EVI5: variants seen among roughly 807,000 people sequenced by gnomAD.
The protein encoded by EVI5 is ecotropic viral integration site 5 protein homolog.
EVI5 carries 73 observed loss-of-function variants against 112.0 expected under a neutral mutation model. That is an observed-to-expected ratio of 0.65 (90% confidence interval 0.54 to 0.79). The LOEUF (loss-of-function observed/expected upper bound fraction) is 0.79. Ranked by LOEUF, EVI5 falls within the 30% of genes least tolerant of loss-of-function variation. The pLI, the probability that EVI5 is intolerant of heterozygous loss-of-function variation, is 0.00. For missense variants in EVI5, 900 were observed against 968.8 expected (o/e 0.93, Z 0.94); for synonymous variants, 305 against 319.9 (o/e 0.95, Z 0.50).
rs555274257 is a variant in EVI5 at position 92,750,354 on chromosome 1, C to A, written c.-81-13727G>T. On this transcript the variant is annotated intron_variant, in intron 1 of 19. Coordinates refer to ENST00000684568, the MANE Select transcript of EVI5 (RefSeq NM_001350197.2). Reference sequence around the variant, plus strand: ...TAAGAGGTTTATTTTAATACAAAACCAAATAAAAAATGGTATTTGCTTTAC... The same window carrying A: ...TAAGAGGTTTATTTTAATACAAAACAAAATAAAAAATGGTATTTGCTTTAC... Among the ~76,000 whole-genome samples the A allele has an allele frequency of 5.0e-4, 76 of 151,974 alleles. No individual in the cohort carries two copies. In the Middle Eastern group the frequency reaches 0.01, roughly 20 times the overall value.
Position 92,595,064 on chromosome 1 carries a change from G to A in EVI5, c.2070+10243C>T, listed in dbSNP as rs1647350797. Among the ~76,000 whole-genome samples the A allele has an allele frequency of 8.6e-5, 13 of 151,756 alleles. No individual in the cohort carries two copies. The South Asian group carries it at 2.7e-3, about 32-fold the overall frequency. ...ATTTGACCCAGCCATCCCATCACTG[G>A]GTATATACCCAAAGGATTATAAATC... is the stretch of plus-strand genomic sequence containing the variant. On this transcript the variant is annotated intron_variant, in intron 18 of 19. Coordinates refer to ENST00000684568, the MANE Select transcript of EVI5 (RefSeq NM_001350197.2).
chr1:92,785,408 G>C (rs954897699), upstream of EVI5, among the ~76,000 whole-genome samples: 1 of 152,210 alleles, frequency 6.6e-6, no homozygotes, highest in African/African-American at 2.4e-5. Context: ...TGCAGGCCTC[G>C]CGCTGCCGCA....
At chr1:92,573,867 C>T (rs1051847911) in intron 18 of EVI5, among the ~76,000 whole-genome samples, 2 of 152,042 alleles carry the variant, frequency 1.3e-5, no homozygotes, top group South Asian at 2.1e-4. Context: ...TGACTTCCAT[C>T]ACTGAAAACT....
intron 10 of EVI5, among the ~76,000 whole-genome samples, chr1:92,674,706 G>C (rs986484396): frequency 8.4e-5 from 12 of 142,652 alleles, no homozygotes; most frequent in African/African-American, 3.0e-4. Context: ...AAAGTATTCA[G>C]TTGAAAAAAA....
chr1:92,752,218 A>C (rs1281360147), intron 1 of EVI5, among the ~76,000 whole-genome samples: 1 of 152,024 alleles, frequency 6.6e-6, no homozygotes, highest in Non-Finnish European at 1.5e-5. Flanking sequence ...TCTGTTGCCC[A>C]GGCTAGAGTA....
chr1:92,620,398 T>C (rs1032924372), intron 16 of EVI5, among the ~76,000 whole-genome samples: 5 of 145,664 alleles, frequency 3.4e-5, no homozygotes, highest in African/African-American at 1.0e-4. Flanking sequence ...CCAAAATTTG[T>C]GGCATACACA....
At chr1:92,672,294 G>A (rs998720449) in intron 10 of EVI5, among the ~76,000 whole-genome samples, 7 of 152,060 alleles carry the variant, frequency 4.6e-5, no homozygotes, top group African/African-American at 9.7e-5. Context: ...TACCACTGTC[G>A]ACAACATCCT....
At chr1:92,783,371 C>CA (rs11384853) in intron 1 of EVI5, among the ~76,000 whole-genome samples, 119,562 of 136,342 alleles carry the variant, frequency 0.88, 52,340 homozygotes, top group East Asian at 0.96. Context: ...ACTAAAAATA[C>CA]AAAAAAAAAA....
intron 1 of EVI5, among the ~76,000 whole-genome samples, chr1:92,739,514 G>C (rs1266224073): frequency 6.6e-6 from 1 of 152,140 alleles, no homozygotes; most frequent in Non-Finnish European, 1.5e-5. Context: ...GGATTGGTCA[G>C]TGGTGAAGGT....
chr1:92,594,438 T>C (rs1303278569), intron 18 of EVI5, among the ~76,000 whole-genome samples: 3 of 151,254 alleles, frequency 2.0e-5, no homozygotes, highest in Non-Finnish European at 4.4e-5. Flanking sequence ...AAGACTTACA[T>C]GTTAGACCTA....
intron 15 of EVI5, among the ~76,000 whole-genome samples, chr1:92,625,204 T>G (rs770409573): frequency 1.9e-4 from 29 of 152,198 alleles, no homozygotes; most frequent in Admixed American, 3.9e-4. Flanking sequence ...TTTTGTCTTT[T>G]TTGTTTTAAA....
intron 2 of EVI5, among the ~76,000 whole-genome samples, chr1:92,712,493 A>T (rs1357047703): frequency 6.6e-6 from 1 of 152,196 alleles, no homozygotes; most frequent in Non-Finnish European, 1.5e-5. Flanking sequence ...AGATTTCTTA[A>T]TTTCAAGAGA....
chr1:92,771,593 T>C (rs1191020866), intron 1 of EVI5, among the ~76,000 whole-genome samples: 1 of 133,886 alleles, frequency 7.5e-6, no homozygotes, highest in East Asian at 2.3e-4. Flanking sequence ...ATAAGGAATA[T>C]ATCAATTTTC....
chr1:92,589,695 C>T (rs1475265429), intron 18 of EVI5, among the ~76,000 whole-genome samples: 2 of 152,176 alleles, frequency 1.3e-5, no homozygotes, highest in Non-Finnish European at 2.9e-5. Flanking sequence ...GGGGGCAGGG[C>T]ATAGCCAAAC....
chr1:92,628,129 C>A (rs901120558), intron 14 of EVI5, among the ~76,000 whole-genome samples: 2 of 152,172 alleles, frequency 1.3e-5, no homozygotes, highest in Admixed American at 6.5e-5. Context: ...ATTTGTATAT[C>A]TTCTTTTGAG....
At chr1:92,757,348 T>C (rs940608025) in intron 1 of EVI5, among the ~76,000 whole-genome samples, 8 of 152,200 alleles carry the variant, frequency 5.3e-5, no homozygotes, top group African/African-American at 1.9e-4. Flanking sequence ...ACGTTTATCT[T>C]GGGCTTGCCA....
intron 13 of EVI5, 133 bp from the exon 14 acceptor site, chr1:92,636,469 A>G (rs1658856841): frequency 1.5e-6 from 1 of 668,838 alleles, no homozygotes; most frequent in East Asian, 2.9e-5. Context: ...TCTACCCAAT[A>G]TTTCCAATGT....
At chr1:92,611,534 TA>T (rs763503738) in intron 16 of EVI5, among the ~76,000 whole-genome samples, 536 of 122,680 alleles carry the variant, frequency 4.4e-3, no homozygotes, top group African/African-American at 5.3e-3. Flanking sequence ...CTGTCTCTAC[TA>T]AAAAAAAAAA....
At chr1:92,653,719 C>G (rs900748123) in intron 13 of EVI5, among the ~76,000 whole-genome samples, 1 of 152,230 alleles carries the variant, frequency 6.6e-6, no homozygotes, top group East Asian at 1.9e-4. Flanking sequence ...CCATGCAGAG[C>G]AGCAGCGTTC....
Sources: allele counts gnomAD v4.1 joint callset (sites outside exome capture counted in the v4.1 genomes callset), GRCh38; gene constraint gnomAD v4.1.1; transcripts MANE v1.5; gene names NCBI Gene and HGNC (gene_info 2026-07-23, HGNC 2026-07-21).